Variants in UPF2 observed in about 807,000 individuals in gnomAD.
UPF2 encodes the protein UPF2 regulator of nonsense mediated mRNA decay.
In UPF2, 17 loss-of-function variants were observed where a neutral mutation model predicts 141.4. That is an observed-to-expected ratio of 0.12 (90% CI 0.08 to 0.18). UPF2 has a LOEUF of 0.18. UPF2 is among the 10% of genes least tolerant of loss of function. The probability of loss-of-function intolerance (pLI) is 1.00; values close to 1 mark genes in which losing one functional copy is unlikely to be tolerated. For synonymous variants in UPF2, 540 were observed against 498.0 expected, an observed-to-expected ratio of 1.08 and a Z score of -1.12; for missense variants, 1,152 against 1,515.9, an observed-to-expected ratio of 0.76 and a Z score of 3.99.
chr10:12,038,471 G>A (rs539693668), intron 1 of UPF2, among the ~76,000 whole-genome samples: 2 of 150,918 alleles, frequency 1.3e-5, no homozygotes, highest in Non-Finnish European at 2.9e-5. Flanking sequence ...GCTCACTCCT[G>A]TAATCCCAGC....
At chr10:11,994,844 C>G (rs772600635) in intron 8 of UPF2, among the ~76,000 whole-genome samples, 3 of 151,648 alleles carry the variant, frequency 2.0e-5, no homozygotes, top group Non-Finnish European at 4.4e-5. Context: ...GGCGTGGTGG[C>G]AGGCGCCTGT....
At chr10:11,924,429 T>C (rs1832685059) in intron 21 of UPF2, among the ~76,000 whole-genome samples, 2 of 152,004 alleles carry the variant, frequency 1.3e-5, no homozygotes, top group Admixed American at 1.3e-4. Flanking sequence ...AATACAAAAA[T>C]TAGTCAAGAG....
intron 9 of UPF2, among the ~76,000 whole-genome samples, chr10:11,969,939 C>A (rs1288123221): frequency 6.6e-6 from 1 of 152,206 alleles, no homozygotes; most frequent in East Asian, 1.9e-4. Context: ...CTAATTTTAT[C>A]CTTCCTTGTA....
chr10:11,957,903 G>A (rs1833178708), intron 12 of UPF2, among the ~76,000 whole-genome samples: 1 of 152,194 alleles, frequency 6.6e-6, no homozygotes, highest in Non-Finnish European at 1.5e-5. Flanking sequence ...TTAAGGTGGA[G>A]GACACTGTAT....
At chr10:11,952,441 T>C (rs1268287190) in intron 14 of UPF2, among the ~76,000 whole-genome samples, 192 bp from the exon 15 acceptor site, 2 of 151,884 alleles carry the variant, frequency 1.3e-5, no homozygotes, top group East Asian at 3.9e-4. Flanking sequence ...ATACAGGTCT[T>C]GAGCTATTTG....
chr10:11,975,528 G>A (rs1256547816), intron 9 of UPF2, among the ~76,000 whole-genome samples: 1 of 152,046 alleles, frequency 6.6e-6, no homozygotes, highest in Non-Finnish European at 1.5e-5. Flanking sequence ...TGTTTTTTGA[G>A]ATGGAGTTTC....
chr10:11,959,020 T>C lies in UPF2; in HGVS notation c.2370+151A>G, dbSNP rs1833198687. The C allele has an allele frequency of 3.5e-6, 2 of 571,930 alleles. No homozygotes were observed. Among genetic ancestry groups the C allele is most frequent in the Non-Finnish European group, 5.3e-6 (2 of 378,508 alleles). The allele number at this position is 571,930 out of a possible 1,614,324, so 35.4% of individuals were successfully genotyped here. ...AAACCTATGTCCCAAATATTATATA[T>C]CATCATAAGAATTCCTTCTTAGGGT... On this transcript the variant is annotated intron_variant, in intron 12 of 21. Transcript: ENST00000357604. The surrounding 1 kb of genome is among the most constrained non-coding windows in gnomAD (Gnocchi z 5.9).
chr10:11,985,902 T>TTTTTTTTTA (rs1833682864), intron 8 of UPF2, among the ~76,000 whole-genome samples: 1 of 117,280 alleles, frequency 8.5e-6, no homozygotes, highest in Non-Finnish European at 1.7e-5. Flanking sequence ...TTTTTTTTTG[T>TTTTTTTTTA]GAGACGGAAT....
chr10:11,921,011 C>G lies in UPF2; in HGVS notation c.*287G>C, dbSNP rs41291279. ...CTCCTTGGTGTAACTGCTCAGTAGT[C>G]AAGTGAACCATCTCATTTCTTGACT... On this transcript the variant is annotated 3_prime_UTR_variant, in exon 22 of 22. Transcript: ENST00000357604. The surrounding 1 kb of genome is among the most constrained non-coding windows in gnomAD (Gnocchi z 5.9). 6.0e-6 allele frequency: 4 copies of G among 661,966 alleles called. No individual in the cohort carries two copies. Among genetic ancestry groups the G allele is most frequent in the Non-Finnish European group, 1.2e-5 (4 of 343,412 alleles). The allele number at this position is 661,966 out of a possible 1,614,324, so 41.0% of individuals were successfully genotyped here.
chr10:11,995,482 A>G (rs188780770), intron 8 of UPF2, among the ~76,000 whole-genome samples: 1 of 152,320 alleles, frequency 6.6e-6, no homozygotes, highest in Admixed American at 6.5e-5. Flanking sequence ...GGACAATGTC[A>G]AAGAATTTAA....
chr10:11,936,818 A>G lies in UPF2; in HGVS notation c.3379-106T>C. 2 of 1,092,764 alleles carry G rather than the reference A, an allele frequency of 1.8e-6. No individual in the cohort carries two copies. The highest frequency in any genetic ancestry group is 2.5e-6 in the Non-Finnish European group (2 of 799,076). The allele number at this position is 1,092,764 out of a possible 1,614,324, so 67.7% of individuals were successfully genotyped here. On this transcript the variant is annotated intron_variant, in intron 18 of 21. Transcript: ENST00000357604. This position sits in a 1 kb window ranked among gnomAD's most constrained non-coding sequence, Gnocchi z 6.6. ...ATGCTGTATTTCTTAAAACACAACA[A>G]TCATAAGAGCCATAACAGTCAACAA...
chr10:12,038,714 C>T (rs914975325), intron 1 of UPF2, among the ~76,000 whole-genome samples: 2 of 151,622 alleles, frequency 1.3e-5, no homozygotes, highest in Non-Finnish European at 2.9e-5. Flanking sequence ...GGGCAAAAGA[C>T]GGAGACTCCG....
chr10:12,011,666 CAG>C (rs1388274175), intron 4 of UPF2, among the ~76,000 whole-genome samples: 1 of 151,874 alleles, frequency 6.6e-6, no homozygotes, highest in African/African-American at 2.4e-5. Context: ...AAAGTCATGA[CAG>C]GGCGCAGTGG....
intron 16 of UPF2, among the ~76,000 whole-genome samples, chr10:11,946,136 T>A (rs1832997097): frequency 6.6e-6 from 1 of 152,200 alleles, no homozygotes; most frequent in Admixed American, 6.5e-5. Flanking sequence ...CTATAAATAC[T>A]AGCCAATTAG....
chr10:12,002,514 T>C (rs749972152), intron 5 of UPF2, among the ~76,000 whole-genome samples: 2 of 152,164 alleles, frequency 1.3e-5, no homozygotes, highest in Non-Finnish European at 2.9e-5. Flanking sequence ...TTCTCCTTTA[T>C]GCAAGGGATA....
intron 9 of UPF2, among the ~76,000 whole-genome samples, chr10:11,974,224 T>C (rs1460953230): frequency 1.3e-5 from 2 of 152,198 alleles, no homozygotes; most frequent in Non-Finnish European, 2.9e-5. Flanking sequence ...TGCACGTTGA[T>C]TTTGTATCCT....
rs143519247 is a variant in UPF2, at chr10:11,959,190, G to C, written c.2351C>G (p.Ser784Cys). ...ATTTACCTTCTCGGTGGTAACCTTA[G>C]AGAGATCCTTGTACAAAAGTTTCCG... ...YVRKLLYKDLSKVTTEKVLRQ... is the reference protein window; with the variant it reads ...YVRKLLYKDLCKVTTEKVLRQ... Residue 784 changes from serine to cysteine, a missense_variant, in exon 12 of 22, where the codon TCT (serine) becomes TGT (cysteine). Around this residue, in one of 4 missense-constraint regions of UPF2, gnomAD observed 739 missense variants for 1,032.2 expected, o/e 0.72. Transcript: ENST00000357604. The surrounding 1 kb of genome is among the most constrained non-coding windows in gnomAD (Gnocchi z 5.9). 45 of 1,582,612 alleles carry C rather than the reference G, an allele frequency of 2.8e-5. No homozygotes were observed. The highest frequency in any genetic ancestry group is 3.7e-5 in the Non-Finnish European group (43 of 1,166,362).
chr10:12,004,898 C>T (rs1834010674), intron 4 of UPF2, among the ~76,000 whole-genome samples, 171 bp from the exon 5 acceptor site: 1 of 152,116 alleles, frequency 6.6e-6, no homozygotes, highest in African/African-American at 2.4e-5. Flanking sequence ...AAATCACAAA[C>T]TGTGTTTTAA....
intron 2 of UPF2, among the ~76,000 whole-genome samples, chr10:12,034,449 A>G (rs924714081): frequency 6.6e-6 from 1 of 152,022 alleles, no homozygotes; most frequent in Non-Finnish European, 1.5e-5. Context: ...CAGCCTCCTG[A>G]GTAACTGGGA....
Sources: gnomAD v4.1 joint callset for allele counts (sites outside exome capture counted in the v4.1 genomes callset) on GRCh38, gnomAD v4.1.1 for gene constraint, gnomAD v4.1.1 regional missense constraint, Gnocchi (gnomAD v3.1) non-coding constraint, MANE v1.5 for transcripts, NCBI Gene and HGNC (gene_info 2026-07-23, HGNC 2026-07-21) for gene names.